RYR2: variants seen among roughly 807,000 people sequenced by gnomAD.
RYR2 encodes cardiac muscle ryanodine receptor-calcium release channel.
RYR2 carries 227 observed loss-of-function variants against 601.1 expected under a neutral mutation model. The observed-to-expected ratio is 0.38, with a 90% confidence interval of 0.34 to 0.42. The LOEUF (loss-of-function observed/expected upper bound fraction) is 0.42. Among genes scored for constraint, RYR2 ranks in the 10% least tolerant of loss-of-function variants. The probability of loss-of-function intolerance (pLI) is 1.00; values close to 1 mark genes in which losing one functional copy is unlikely to be tolerated. For synonymous variants in RYR2, 2,223 were observed against 2,175.1 expected (o/e 1.02, Z -0.61); for missense variants, 4,646 against 6,156.5 (o/e 0.75, Z 8.21).
intron 87 of RYR2, among the ~76,000 whole-genome samples, chr1:237,774,372 TA>T (rs1382050187): frequency 6.6e-6 from 1 of 152,118 alleles, no homozygotes; most frequent in Non-Finnish European, 1.5e-5. Context: ...AAGGTTAAGT[TA>T]AAAATAAATT....
At chr1:237,100,329 C>T (rs765758232) in intron 1 of RYR2, among the ~76,000 whole-genome samples, 25 of 152,052 alleles carry the variant, frequency 1.6e-4, no homozygotes, top group Non-Finnish European at 2.9e-4. Context: ...GACTCAATCT[C>T]GCTTCTCGAT....
chr1:237,199,077 G>A (rs1680889743), intron 1 of RYR2, among the ~76,000 whole-genome samples: 5 of 152,178 alleles, frequency 3.3e-5, no homozygotes. Context: ...CCGGGGTCCT[G>A]CAGAGTGTGT....
intron 1 of RYR2, among the ~76,000 whole-genome samples, chr1:237,217,777 G>T (rs1572239683): frequency 6.6e-6 from 1 of 152,276 alleles, no homozygotes; most frequent in Middle Eastern, 3.4e-3. Flanking sequence ...GAGACCTCAG[G>T]TTCTGTGGGA....
chr1:237,493,598 G>A (rs1485701401), intron 19 of RYR2, among the ~76,000 whole-genome samples: 1 of 152,050 alleles, frequency 6.6e-6, no homozygotes, highest in Non-Finnish European at 1.5e-5. Context: ...GACTACAGGT[G>A]CCCGCCACCA....
intron 57 of RYR2, 52 bp downstream of exon 57, chr1:237,666,641 C>A: frequency 7.1e-7 from 1 of 1,401,998 alleles, no homozygotes; most frequent in Non-Finnish European, 9.9e-7. Context: ...TTTTAAGAAG[C>A]ATAATGTAAT....
intron 1 of RYR2, among the ~76,000 whole-genome samples, chr1:237,201,286 G>T (rs910266774): frequency 6.6e-6 from 1 of 152,178 alleles, no homozygotes; most frequent in African/African-American, 2.4e-5. Context: ...TCCTGGCACT[G>T]CCCTCACTAT....
chr1:237,457,029 A>G (rs1167896250), intron 16 of RYR2, among the ~76,000 whole-genome samples: 2 of 152,202 alleles, frequency 1.3e-5, no homozygotes, highest in African/African-American at 2.4e-5. Context: ...GCCAAATCAA[A>G]TGGTGCTTAG....
intron 1 of RYR2, among the ~76,000 whole-genome samples, chr1:237,254,603 TTAGAG>T (rs1399332067): frequency 3.9e-5 from 6 of 152,180 alleles, no homozygotes; most frequent in Non-Finnish European, 2.9e-5. Flanking sequence ...GTCTCATTCT[TTAGAG>T]AGGAGGAGGA....
At chr1:237,095,082 C>A (rs1049656559) in intron 1 of RYR2, among the ~76,000 whole-genome samples, 4 of 152,192 alleles carry the variant, frequency 2.6e-5, no homozygotes, top group Non-Finnish European at 5.9e-5. Flanking sequence ...TTCAGGTTAT[C>A]GTTGCAAATT....
At chr1:237,131,592 G>A (rs1173480649) in intron 1 of RYR2, among the ~76,000 whole-genome samples, 1 of 152,028 alleles carries the variant, frequency 6.6e-6, no homozygotes, top group Admixed American at 6.6e-5. Flanking sequence ...TTTCAGGAGA[G>A]GTATGAAAAC....
intron 29 of RYR2, among the ~76,000 whole-genome samples, chr1:237,589,509 G>C (rs966898833): frequency 3.3e-5 from 5 of 152,188 alleles, no homozygotes; most frequent in Non-Finnish European, 5.9e-5. Flanking sequence ...CGGAGGACCA[G>C]GGGCTGCATA....
chr1:237,363,766 AAGG>A (rs1699979691), intron 4 of RYR2, among the ~76,000 whole-genome samples: 1 of 152,144 alleles, frequency 6.6e-6, no homozygotes, highest in Non-Finnish European at 1.5e-5. Context: ...TAATTTATGA[AAGG>A]AGACTGTGTC....
chr1:237,456,848 G>T lies in RYR2; in HGVS notation c.1612+113G>T, dbSNP rs1025783048. On this transcript the variant is annotated intron_variant, in intron 16 of 104. Coordinates refer to ENST00000366574, the MANE Select transcript of RYR2 (RefSeq NM_001035.3). ...TTCCAGCAATTTGGGAGGCTGAGGT[G>T]GGAGGATCATTTGAGGCCAGGAATT... The T allele has an allele frequency of 4.1e-6, 5 of 1,221,548 alleles. No individual in the cohort carries two copies. In the Admixed American group the frequency reaches 1.1e-4, roughly 28 times the overall value. The allele number at this position is 1,221,548 out of a possible 1,614,324, so 75.7% of individuals were successfully genotyped here.
At chr1:237,393,815 T>C (rs1389412025) in intron 10 of RYR2, among the ~76,000 whole-genome samples, 1 of 152,204 alleles carries the variant, frequency 6.6e-6, no homozygotes, top group Non-Finnish European at 1.5e-5. Flanking sequence ...GTGCAGTAGC[T>C]GCTGTAGTTT....
chr1:237,079,745 C>A (rs1477535120), intron 1 of RYR2, among the ~76,000 whole-genome samples: 1 of 142,932 alleles, frequency 7.0e-6, no homozygotes, highest in African/African-American at 3.0e-5. Flanking sequence ...ATCAAGCTAG[C>A]AATGCCTTTC....
chr1:237,450,939 T>C (rs980852747), intron 14 of RYR2, among the ~76,000 whole-genome samples: 6 of 152,208 alleles, frequency 3.9e-5, no homozygotes, highest in African/African-American at 1.4e-4. Context: ...GTTTCTTTTC[T>C]ATATTTATCC....
At chr1:237,635,420 A>C (rs1156440725) in intron 44 of RYR2, among the ~76,000 whole-genome samples, 1 of 152,148 alleles carries the variant, frequency 6.6e-6, no homozygotes, top group Non-Finnish European at 1.5e-5. Context: ...GTTTTTAAAA[A>C]GGTTATTTTG....
chr1:237,238,881 A>G (rs573570233), intron 1 of RYR2, among the ~76,000 whole-genome samples: 1 of 152,308 alleles, frequency 6.6e-6, no homozygotes, highest in South Asian at 2.1e-4. Context: ...AATGACGATA[A>G]AAGGTACGAA....
chr1:237,237,702 G>A (rs979179888), intron 1 of RYR2, among the ~76,000 whole-genome samples: 11 of 152,128 alleles, frequency 7.2e-5, no homozygotes, highest in Admixed American at 6.5e-4. Flanking sequence ...GCTACCTCTT[G>A]TGGGGAAAAT....
Sources: allele counts gnomAD v4.1 joint callset (sites outside exome capture counted in the v4.1 genomes callset), GRCh38; gene constraint gnomAD v4.1.1; transcripts MANE v1.5; gene names NCBI Gene and HGNC (gene_info 2026-07-23, HGNC 2026-07-21).